Variants in ADCY9 observed in about 807,000 individuals in gnomAD.
ADCY9 encodes adenylate cyclase type 9.
A neutral mutation model predicts 101.5 loss-of-function variants in ADCY9; 50 were observed. The ratio of observed to expected loss-of-function variants is 0.49; its 90% CI spans 0.39 to 0.62. ADCY9 has a LOEUF of 0.62. Ranked by LOEUF, ADCY9 falls within the 20% of genes least tolerant of loss-of-function variation. The pLI is 0.00. For synonymous variants in ADCY9, 905 were observed against 769.3 expected (o/e 1.18, Z -2.92); for missense variants, 1,662 against 1,800.4 (o/e 0.92, Z 1.39).
At chr16:4,016,487 G>A (rs908955762) in intron 2 of ADCY9, among the ~76,000 whole-genome samples, 1 of 152,154 alleles carries the variant, frequency 6.6e-6, no homozygotes, top group African/African-American at 2.4e-5. Context: ...CAGCAGGGAC[G>A]GGGGTCCCAG....
chr16:4,057,959 G>C lies in ADCY9; in HGVS notation c.1694-50401C>G, dbSNP rs7201496. Among the ~76,000 whole-genome samples, 846 of 151,700 alleles carry C rather than the reference G, an allele frequency of 5.6e-3. 6 individuals are homozygous for C. Among genetic ancestry groups the C allele is most frequent in the African/African-American group, 0.019 (803 of 41,324 alleles). Reference sequence around the variant, plus strand: ...AGATCGCTTCAGGTCAAGAGTTCGAGACCAGCCTGGCCAACATAGTGAAAC... The same window carrying C: ...AGATCGCTTCAGGTCAAGAGTTCGACACCAGCCTGGCCAACATAGTGAAAC... On this transcript the variant is annotated intron_variant, in intron 2 of 10. Coordinates refer to ENST00000294016, the MANE Select transcript of ADCY9 (RefSeq NM_001116.4).
rs976439936 is a variant in ADCY9 at position 3,983,246 on chromosome 16, G to T, written c.2505C>A (p.Leu835=). The T allele has an allele frequency of 6.4e-7, 1 of 1,551,096 alleles. No homozygotes were observed. The highest frequency in any genetic ancestry group is 1.2e-5 in the South Asian group (1 of 84,064). Residue 835 remains leucine (L), a synonymous_variant, in exon 7 of 11, where the codon CTC becomes CTA. Transcript: ENST00000294016. ...GCGGCGCTTACCTGATGGACACCGC[G>T]AGGGACAGCACCTCCAGCAGCAGGG... ...SAALLLEVLS[L]AVSIRMVFFL... is the part of the protein sequence containing the mutation.
chr16:3,996,338 G>A (rs1330904695), intron 3 of ADCY9, among the ~76,000 whole-genome samples: 1 of 152,116 alleles, frequency 6.6e-6, no homozygotes, highest in African/African-American at 2.4e-5. Context: ...CTCCAGCGTG[G>A]GTGACAGAGC....
intron 5 of ADCY9, 57 bp from the exon 6 acceptor site, chr16:3,989,153 T>C (rs1374376868): frequency 7.7e-7 from 1 of 1,293,630 alleles, no homozygotes; most frequent in Non-Finnish European, 1.1e-6. Context: ...TGTGCCAATG[T>C]TTTCAGATCA....
At chr16:4,105,070 CA>C (rs201988019) in intron 2 of ADCY9, among the ~76,000 whole-genome samples, 8 of 141,116 alleles carry the variant, frequency 5.7e-5, no homozygotes, top group East Asian at 2.0e-4. Flanking sequence ...AAAAATCCAC[CA>C]AAAAAAAAAC....
At chr16:4,092,634 A>C (rs2056980630) in intron 2 of ADCY9, among the ~76,000 whole-genome samples, 2 of 152,154 alleles carry the variant, frequency 1.3e-5, no homozygotes, top group Admixed American at 6.5e-5. Context: ...TTTGATTCAA[A>C]TTTCTCTTTC....
At chr16:4,083,680 A>T (rs780627624) in intron 2 of ADCY9, among the ~76,000 whole-genome samples, 1 of 152,272 alleles carries the variant, frequency 6.6e-6, no homozygotes, top group Non-Finnish European at 1.5e-5. Context: ...AGCCATGAAA[A>T]GGAAGAAAGC....
intron 2 of ADCY9, among the ~76,000 whole-genome samples, chr16:4,032,629 C>G (rs2056563611): frequency 6.6e-6 from 1 of 151,540 alleles, no homozygotes; most frequent in Admixed American, 6.6e-5. Context: ...CGTGCCTCAG[C>G]CTCCCATGTA....
At chr16:4,066,047 C>T (rs982046189) in intron 2 of ADCY9, among the ~76,000 whole-genome samples, 2 of 152,230 alleles carry the variant, frequency 1.3e-5, no homozygotes, top group African/African-American at 4.8e-5. Context: ...TTTCCACCTC[C>T]TGCTGCTGCC....
At chr16:4,020,697 A>G (rs1165371959) in intron 2 of ADCY9, among the ~76,000 whole-genome samples, 1 of 151,968 alleles carries the variant, frequency 6.6e-6, no homozygotes, top group Admixed American at 6.6e-5. Flanking sequence ...TTGGTGGCAC[A>G]CGTCTGTAGT....
At chr16:4,109,778 G>A (rs1290329321) in intron 2 of ADCY9, among the ~76,000 whole-genome samples, 1 of 152,110 alleles carries the variant, frequency 6.6e-6, no homozygotes, top group Non-Finnish European at 1.5e-5. Context: ...GGATTTACTC[G>A]ACACCTCATT....
chr16:4,007,564 A>G lies in ADCY9; in HGVS notation c.1694-6T>C. On this transcript the variant is annotated splice_polypyrimidine_tract_variant and splice_region_variant and intron_variant, in intron 2 of 10. Coordinates refer to ENST00000294016, the MANE Select transcript of ADCY9 (RefSeq NM_001116.4). The stretch of plus-strand genomic sequence containing the variant: ...TATCAGGTATGTCTTCAAACCTATG[A>G]TGGATAAAAGTTACAGTCAGCACAG... 6 of 1,603,232 alleles carry G rather than the reference A, an allele frequency of 3.7e-6. No homozygotes were observed. Among genetic ancestry groups the G allele is most frequent in the Non-Finnish European group, 5.1e-6 (6 of 1,175,698 alleles).
chr16:4,108,706 C>CTT (rs112428707), intron 2 of ADCY9, among the ~76,000 whole-genome samples: 35,756 of 124,432 alleles, frequency 0.29, 5,881 homozygotes, highest in South Asian at 0.43. Context: ...GTCCCTCACA[C>CTT]TTTTTTTTTT....
rs1232136363 is a variant in ADCY9, at chr16:4,108,604, C to A, written c.1693+5146G>T. 2.0e-5 allele frequency among the ~76,000 whole-genome samples: 3 copies of A among 151,832 alleles called. No homozygotes were observed. The East Asian group carries it at 5.8e-4, about 29-fold the overall frequency. On this transcript the variant is annotated intron_variant, in intron 2 of 10. Coordinates refer to ENST00000294016, the MANE Select transcript of ADCY9 (RefSeq NM_001116.4). ...GGTCAGGCTGGTCTCAAACTCCTGA[C>A]CTCCTGATCTGCCCACCTCGGTCTC...
chr16:3,986,887 G>A (rs2056197744), intron 6 of ADCY9, among the ~76,000 whole-genome samples: 1 of 152,220 alleles, frequency 6.6e-6, no homozygotes, highest in Non-Finnish European at 1.5e-5. Flanking sequence ...TGAGCTGTGT[G>A]ATCTTTGTAA....
chr16:3,984,676 G>A (rs1467403875), intron 6 of ADCY9, among the ~76,000 whole-genome samples: 1 of 152,250 alleles, frequency 6.6e-6, no homozygotes, highest in Non-Finnish European at 1.5e-5. Flanking sequence ...TCCAAAGGCA[G>A]AGGCTGTGGT....
At chr16:4,109,642 C>T (rs938403701) in intron 2 of ADCY9, among the ~76,000 whole-genome samples, 1 of 152,216 alleles carries the variant, frequency 6.6e-6, no homozygotes, top group Admixed American at 6.5e-5. Flanking sequence ...CCTTCCCCTC[C>T]TGCCAGTCGT....
chr16:4,112,985 G>C (rs1011024411), intron 2 of ADCY9, among the ~76,000 whole-genome samples: 2 of 152,008 alleles, frequency 1.3e-5, no homozygotes, highest in African/African-American at 4.8e-5. Context: ...CAGGGACCAG[G>C]CACCAGATCC....
At chr16:4,087,964 C>T (rs1000860827) in intron 2 of ADCY9, among the ~76,000 whole-genome samples, 1 of 150,536 alleles carries the variant, frequency 6.6e-6, no homozygotes, top group African/African-American at 2.4e-5. Context: ...GCGACAGAGT[C>T]TCACTCTGTC....
Sources: gnomAD v4.1 joint callset for allele counts (sites outside exome capture counted in the v4.1 genomes callset) on GRCh38, gnomAD v4.1.1 for gene constraint, MANE v1.5 for transcripts, NCBI Gene and HGNC (gene_info 2026-07-23, HGNC 2026-07-21) for gene names.